The following ARIH1 variants were observed in gnomAD, a reference collection of about 807,000 sequenced individuals.
The protein encoded by ARIH1 is E3 ubiquitin-protein ligase ARIH1.
Under a neutral mutation model 85.0 loss-of-function variants are expected in ARIH1, and 8 were observed. The ratio of observed to expected loss-of-function variants is 0.09; its 90% CI spans 0.06 to 0.17. ARIH1 has a LOEUF of 0.17. Ranked by LOEUF, ARIH1 falls within the 10% of genes least tolerant of loss-of-function variation. The pLI, the probability that ARIH1 is intolerant of heterozygous loss-of-function variation, is 1.00. For synonymous variants in ARIH1, 238 were observed against 253.6 expected (o/e 0.94, Z 0.59); for missense variants, 311 against 718.1 (o/e 0.43, Z 6.48).
intron 1 of ARIH1, among the ~76,000 whole-genome samples, chr15:72,491,892 G>A (rs1253971649): frequency 6.6e-6 from 1 of 152,182 alleles, no homozygotes; most frequent in African/African-American, 2.4e-5. Context: ...ATTGTTGTGT[G>A]TGCTGGGTAT....
chr15:72,523,770 A>G (rs1417316327), intron 2 of ARIH1, among the ~76,000 whole-genome samples: 2 of 150,788 alleles, frequency 1.3e-5, no homozygotes, highest in African/African-American at 2.4e-5. Flanking sequence ...GCTTCTGCAT[A>G]TGTTTGCTGT....
intron 1 of ARIH1, among the ~76,000 whole-genome samples, chr15:72,498,961 ATTTTTT>A (rs535261674): frequency 9.0e-5 from 8 of 88,426 alleles, no homozygotes; most frequent in South Asian, 4.0e-4. Flanking sequence ...CTTTTCATAA[ATTTTTT>A]TTTTTTTTTT....
chr15:72,481,044 G>T (rs2063814558), intron 1 of ARIH1, among the ~76,000 whole-genome samples: 1 of 152,212 alleles, frequency 6.6e-6, no homozygotes, highest in Non-Finnish European at 1.5e-5. Flanking sequence ...TTAATTGGGA[G>T]AGGAGGAAGA....
intron 10 of ARIH1, 64 bp downstream of exon 10, chr15:72,570,371 C>G: frequency 6.3e-7 from 1 of 1,584,752 alleles, no homozygotes; most frequent in Non-Finnish European, 8.6e-7. Flanking sequence ...TTATGAATAA[C>G]ATTTCTACCT....
At chr15:72,564,240 T>C (rs1039330246) in intron 7 of ARIH1, among the ~76,000 whole-genome samples, 11 of 152,216 alleles carry the variant, frequency 7.2e-5, no homozygotes, top group South Asian at 2.1e-4. Context: ...CAACCAGATA[T>C]TCAGTTTCAT....
intron 1 of ARIH1, among the ~76,000 whole-genome samples, chr15:72,484,932 G>C (rs1006611388): frequency 6.6e-6 from 1 of 151,910 alleles, no homozygotes; most frequent in African/African-American, 2.4e-5. Context: ...CTTTTCCTCT[G>C]GGTGGATACC....
At chr15:72,480,476 G>T (rs1375340100) in intron 1 of ARIH1, among the ~76,000 whole-genome samples, 2 of 151,816 alleles carry the variant, frequency 1.3e-5, no homozygotes, top group African/African-American at 2.4e-5. Flanking sequence ...GGCCAGGCTG[G>T]TCTCGAACTC....
Position 72,583,234 on chromosome 15 carries a change from T to C in ARIH1, c.1616T>C (p.Leu539Ser), listed in dbSNP as rs1370979485. The C allele has an allele frequency of 3.1e-6, 5 of 1,613,234 alleles. No homozygotes were observed. Among genetic ancestry groups the C allele is most frequent in the Non-Finnish European group, 4.2e-6 (5 of 1,179,572 alleles). ...TACTGTGAGAGTCGACGAAGGGTTT[T>C]GTTACAGCATGTGCATGAAGGCTAT... Reference protein sequence around the residue: ...YRYCESRRRVLLQHVHEGYEK... With the variant: ...YRYCESRRRVSLQHVHEGYEK... The change falls in exon 14 of 14, where the codon TTG (leucine) becomes TCG (serine). Residue 539 changes from leucine to serine, a missense_variant. Physicochemically the swap from Leu to Ser is moderately radical, Grantham distance 145. Around this residue, in one of 3 missense-constraint regions of ARIH1, gnomAD observed 50 missense variants for 311.7 expected, o/e 0.16. Coordinates refer to ENST00000379887, the MANE Select transcript of ARIH1 (RefSeq NM_005744.5).
intron 1 of ARIH1, among the ~76,000 whole-genome samples, chr15:72,514,991 AC>A (rs1465320097): frequency 1.3e-5 from 2 of 152,124 alleles, no homozygotes; most frequent in Admixed American, 6.5e-5. Flanking sequence ...CATCAAAAAA[AC>A]AACAAAAAAG....
At chr15:72,519,141 T>C (rs1174656268) in intron 2 of ARIH1, among the ~76,000 whole-genome samples, 1 of 152,148 alleles carries the variant, frequency 6.6e-6, no homozygotes, top group Non-Finnish European at 1.5e-5. Context: ...TCATTATCAA[T>C]TCTAAATTTA....
At chr15:72,534,137 A>C (rs1340442705) in intron 2 of ARIH1, among the ~76,000 whole-genome samples, 1 of 152,206 alleles carries the variant, frequency 6.6e-6, no homozygotes, top group African/African-American at 2.4e-5. Context: ...CCTATCTACT[A>C]TATGGTTCTA....
chr15:72,559,547 G>A lies in ARIH1; in HGVS notation c.738-1936G>A, dbSNP rs117457409. 1.3e-3 allele frequency among the ~76,000 whole-genome samples: 205 copies of A among 152,164 alleles called. 4 individuals carry two copies. In the East Asian group the frequency reaches 0.031, roughly 23 times the overall value. On this transcript the variant is annotated intron_variant, in intron 5 of 13. Coordinates refer to ENST00000379887, the MANE Select transcript of ARIH1 (RefSeq NM_005744.5). ...CTGCCTCCCAAAGTGCTAAGATTAC[G>A]GGCGTGAGCAACCGCACATGGCCAG... is the stretch of plus-strand genomic sequence containing the variant.
rs899101317 is a variant in ARIH1, at chr15:72,475,095, G to C, written c.375+81G>C. Reference sequence around the variant, plus strand: ...CGGCACGCGCGGTCCCGAGGGACAGGCCTGGGCCTGGTGCGCAGCCTAGCC... The same window carrying C: ...CGGCACGCGCGGTCCCGAGGGACAGCCCTGGGCCTGGTGCGCAGCCTAGCC... On this transcript the variant is annotated intron_variant, in intron 1 of 13. Coordinates refer to ENST00000379887, the MANE Select transcript of ARIH1 (RefSeq NM_005744.5). 3.0e-5 allele frequency: 46 copies of C among 1,519,542 alleles called. No individual in the cohort carries two copies. In the African/African-American group the frequency reaches 4.8e-4, roughly 16 times the overall value. 94.1% of individuals were successfully genotyped at this position (1,519,542 alleles called of 1,614,324 possible).
intron 1 of ARIH1, among the ~76,000 whole-genome samples, chr15:72,508,092 A>G (rs1350137928): frequency 6.6e-6 from 1 of 152,212 alleles, no homozygotes; most frequent in Non-Finnish European, 1.5e-5. Context: ...GCTGGGGGCA[A>G]AGCCCAATTA....
At chr15:72,485,276 T>C (rs2063833403) in intron 1 of ARIH1, among the ~76,000 whole-genome samples, 1 of 152,208 alleles carries the variant, frequency 6.6e-6, no homozygotes, top group Admixed American at 6.5e-5. Flanking sequence ...CAGATTTTCT[T>C]ACCTGGGGAT....
At chr15:72,548,016 AC>A (rs1197198067) in intron 3 of ARIH1, among the ~76,000 whole-genome samples, 2 of 152,228 alleles carry the variant, frequency 1.3e-5, no homozygotes, top group African/African-American at 4.8e-5. Flanking sequence ...TGATGGAGAA[AC>A]CTATTCATTG....
intron 2 of ARIH1, among the ~76,000 whole-genome samples, chr15:72,531,460 G>A (rs2064056424): frequency 6.6e-6 from 1 of 152,000 alleles, no homozygotes; most frequent in South Asian, 2.1e-4. Flanking sequence ...TAGAGATGGG[G>A]TTTCGCCACG....
At position 72,474,756 on chromosome 15, in the gene ARIH1, C is replaced by G; in HGVS notation, c.117C>G (p.Thr39=). 6.4e-7 allele frequency: 1 copy of G among 1,553,114 alleles called. No homozygotes were observed. Among genetic ancestry groups the G allele is most frequent in the Non-Finnish European group, 8.7e-7 (1 of 1,150,386 alleles). Residue 39 remains threonine (T), a synonymous_variant, in exon 1 of 14, where the codon ACC becomes ACG. Coordinates refer to ENST00000379887, the MANE Select transcript of ARIH1 (RefSeq NM_005744.5). ...ACGACGACGAGCCGGACGATGATAC[C>G]CTGGATCTGGGCGAGGTGGAGCTGG... The part of the protein sequence containing the change: ...DEDDDEPDDD[T]LDLGEVELVE...
intron 1 of ARIH1, among the ~76,000 whole-genome samples, chr15:72,500,239 C>A (rs754200355): frequency 6.6e-6 from 1 of 151,898 alleles, no homozygotes; most frequent in East Asian, 1.9e-4. Flanking sequence ...GGACTACAGG[C>A]GCACACCACC....
Sources: gnomAD v4.1 joint callset for allele counts (sites outside exome capture counted in the v4.1 genomes callset) on GRCh38, gnomAD v4.1.1 for gene constraint, gnomAD v4.1.1 regional missense constraint, MANE v1.5 for transcripts, NCBI Gene and HGNC (gene_info 2026-07-23, HGNC 2026-07-21) for gene names.